CBFA2T2: variants seen among roughly 807,000 people sequenced by gnomAD.
The protein encoded by CBFA2T2 is protein CBFA2T2.
In CBFA2T2, 11 loss-of-function variants were observed where a neutral mutation model predicts 62.2. That is an observed-to-expected ratio of 0.18 (90% CI 0.11 to 0.29). The LOEUF (loss-of-function observed/expected upper bound fraction) is 0.29. Among genes scored for constraint, CBFA2T2 ranks in the 10% least tolerant of loss-of-function variants. CBFA2T2 has a pLI of 1.00. For missense variants in CBFA2T2, 592 were observed against 774.1 expected (o/e 0.76, Z 2.79); for synonymous variants, 295 against 287.5 (o/e 1.03, Z -0.27).
intron 1 of CBFA2T2, among the ~76,000 whole-genome samples, chr20:33,501,630 CTTTTTTTTTTTT>C (rs869281966): frequency 1.6e-4 from 10 of 63,264 alleles, no homozygotes; most frequent in African/African-American, 2.8e-4. Context: ...CTTAGCCTTC[CTTTTTTTTTTTT>C]TTTTTTTTTT....
chr20:33,605,815 A>T (rs889953237), intron 1 of CBFA2T2, among the ~76,000 whole-genome samples: 4 of 151,482 alleles, frequency 2.6e-5, no homozygotes, highest in East Asian at 1.9e-4. Context: ...GTACATCATT[A>T]TTAATGGTGA....
intron 1 of CBFA2T2, among the ~76,000 whole-genome samples, chr20:33,536,277 G>A (rs2012227055): frequency 1.4e-5 from 2 of 146,536 alleles, no homozygotes; most frequent in African/African-American, 2.4e-5. Flanking sequence ...CTCCCAGACG[G>A]GGCGGCTGGC....
chr20:33,636,544 G>A, intron 8 of CBFA2T2, 96 bp from the exon 9 acceptor site: 1 of 850,674 alleles, frequency 1.2e-6, no homozygotes, highest in South Asian at 1.6e-5. Context: ...TGAAATATAT[G>A]TTTGAGTCTA....
intron 1 of CBFA2T2, among the ~76,000 whole-genome samples, chr20:33,558,956 A>AAC (rs138321634): frequency 0.028 from 4,254 of 152,194 alleles, 90 homozygotes; most frequent in Non-Finnish European, 0.044. Context: ...CATTGAACCC[A>AAC]ACACTTTTCT....
chr20:33,496,647 C>T (rs1366540481), intron 1 of CBFA2T2, among the ~76,000 whole-genome samples: 1 of 152,112 alleles, frequency 6.6e-6, no homozygotes, highest in Admixed American at 6.5e-5. Context: ...TAGATAGGAC[C>T]TGTGCATTAC....
At chr20:33,541,875 T>G (rs529355812) in intron 1 of CBFA2T2, among the ~76,000 whole-genome samples, 10 of 144,170 alleles carry the variant, frequency 6.9e-5, no homozygotes, top group Non-Finnish European at 1.6e-4. Context: ...TACAGGTTTT[T>G]GTTTTTGTTT....
At chr20:33,636,853 G>T (rs2016652627) in intron 9 of CBFA2T2, 145 bp downstream of exon 9, 1 of 598,624 alleles carries the variant, frequency 1.7e-6, no homozygotes, top group East Asian at 3.0e-5. Context: ...TGCCTCTCCT[G>T]CTCTGGCTTG....
At chr20:33,607,683 G>A (rs1378229573) in intron 2 of CBFA2T2, among the ~76,000 whole-genome samples, 6 of 152,014 alleles carry the variant, frequency 3.9e-5, no homozygotes, top group South Asian at 2.1e-4. Flanking sequence ...TCCATTTTGC[G>A]TCCCTGGTGT....
intron 1 of CBFA2T2, among the ~76,000 whole-genome samples, chr20:33,528,818 C>T (rs904236863): frequency 6.6e-6 from 1 of 152,074 alleles, no homozygotes; most frequent in African/African-American, 2.4e-5. Flanking sequence ...GGATTACAGG[C>T]GTAAGCCACT....
rs542792205 is a variant in CBFA2T2 at position 33,600,876 on chromosome 20, A to T, written c.35-6080A>T. Among the ~76,000 whole-genome samples the T allele has an allele frequency of 1.1e-4, 16 of 152,344 alleles. 1 individual carries two copies. The highest frequency in any genetic ancestry group is 3.6e-4 in the African/African-American group (15 of 41,576). On this transcript the variant is annotated intron_variant, in intron 1 of 10. Coordinates refer to ENST00000342704, the MANE Select transcript of CBFA2T2 (RefSeq NM_001032999.3). The stretch of plus-strand genomic sequence containing the variant: ...CTGGATCCTCAAAATCCAGGACCAA[A>T]TTATTGGAAATAATCCAATTGTTCA...
intron 1 of CBFA2T2, among the ~76,000 whole-genome samples, chr20:33,578,513 G>A (rs2013938754): frequency 1.3e-5 from 2 of 152,150 alleles, no homozygotes; most frequent in East Asian, 3.8e-4. Context: ...CCTGTCATAA[G>A]GTTGTAGAGT....
chr20:33,513,393 C>T (rs2011543394), intron 1 of CBFA2T2, among the ~76,000 whole-genome samples: 1 of 149,240 alleles, frequency 6.7e-6, no homozygotes, highest in African/African-American at 2.5e-5. Flanking sequence ...GAGTCTCACT[C>T]TTGTCTCCCA....
At chr20:33,546,083 T>C (rs559729982) in intron 1 of CBFA2T2, among the ~76,000 whole-genome samples, 1 of 152,358 alleles carries the variant, frequency 6.6e-6, no homozygotes, top group African/African-American at 2.4e-5. Flanking sequence ...ATGATAATAA[T>C]GCTGAATTAT....
At chr20:33,582,882 C>A (rs1280858587) in intron 1 of CBFA2T2, among the ~76,000 whole-genome samples, 1 of 151,776 alleles carries the variant, frequency 6.6e-6, no homozygotes, top group Non-Finnish European at 1.5e-5. Context: ...GTGGATGTTG[C>A]AGTGAACGAA....
intron 1 of CBFA2T2, among the ~76,000 whole-genome samples, chr20:33,599,288 G>T (rs764773444): frequency 2.6e-5 from 4 of 152,014 alleles, no homozygotes; most frequent in Non-Finnish European, 4.4e-5. Flanking sequence ...GTGGCCCACT[G>T]TCCATTTTTG....
At chr20:33,504,403 C>CT (rs533648842) in intron 1 of CBFA2T2, among the ~76,000 whole-genome samples, 5,601 of 117,514 alleles carry the variant, frequency 0.048, 424 homozygotes, top group African/African-American at 0.12. Context: ...TCATATTTAA[C>CT]TTTTTTTTTT....
At chr20:33,500,941 G>A (rs1265187938) in intron 1 of CBFA2T2, among the ~76,000 whole-genome samples, 1 of 152,116 alleles carries the variant, frequency 6.6e-6, no homozygotes, top group East Asian at 1.9e-4. Flanking sequence ...CCCAAGAAAT[G>A]TCCATGCTAA....
chr20:33,553,817 A>G (rs2012809848), intron 1 of CBFA2T2, among the ~76,000 whole-genome samples: 1 of 152,126 alleles, frequency 6.6e-6, no homozygotes. Context: ...TTGAAAAATG[A>G]TTTTATTTTT....
chr20:33,548,921 C>T (rs2012653961), intron 1 of CBFA2T2, among the ~76,000 whole-genome samples: 1 of 152,158 alleles, frequency 6.6e-6, no homozygotes, highest in South Asian at 2.1e-4. Context: ...CCCTCCTTTG[C>T]ACTTCAGCCC....
Sources: gnomAD v4.1 joint callset for allele counts (sites outside exome capture counted in the v4.1 genomes callset) on GRCh38, gnomAD v4.1.1 for gene constraint, MANE v1.5 for transcripts, NCBI Gene and HGNC (gene_info 2026-07-23, HGNC 2026-07-21) for gene names.